AK5: variants seen among roughly 807,000 people sequenced by gnomAD.
AK5 encodes adenylate kinase isoenzyme 5.
A neutral mutation model predicts 69.5 loss-of-function variants in AK5; 27 were observed. That is an observed-to-expected ratio of 0.39 (90% CI 0.29 to 0.54). The LOEUF (loss-of-function observed/expected upper bound fraction) is 0.54. AK5 is among the 20% of genes least tolerant of loss of function. The pLI, the probability that AK5 is intolerant of heterozygous loss-of-function variation, is 0.71. For missense variants in AK5, 531 were observed against 700.4 expected (o/e 0.76, Z 2.73); for synonymous variants, 260 against 244.4 (o/e 1.06, Z -0.60).
intron 8 of AK5, among the ~76,000 whole-genome samples, chr1:77,482,587 A>T (rs1482107666): frequency 6.6e-6 from 1 of 152,108 alleles, no homozygotes; most frequent in African/African-American, 2.4e-5. Flanking sequence ...AGCCTGGCCA[A>T]CATGGTGAAA....
chr1:77,346,261 A>C (rs527944908), intron 6 of AK5: 1 of 152,278 alleles, frequency 6.6e-6, no homozygotes, highest in African/African-American at 2.4e-5. Context: ...ATCCCATCAG[A>C]CACTCCTAGC....
In AK5 at chr1:77,411,001, G is replaced by A. The variant is rs760145130; in HGVS notation, c.912G>A (p.Glu304=). ...LIMTFDADRD[E]DEVFYDISMA... ...CCCAGTTTGATGCCGACCGCGATGA[G>A]GATGAGGTGTTCTATGACATCAGCA... Residue 304 remains glutamate (E), a synonymous_variant, in exon 7 of 14, where the codon GAG becomes GAA. Transcript: ENST00000354567. 1.1e-5 allele frequency: 18 copies of A among 1,613,920 alleles called. No homozygotes were observed. The Middle Eastern group carries it at 8.3e-4, about 74-fold the overall frequency.
At chr1:77,434,030 A>G (rs1651804061) in intron 8 of AK5, among the ~76,000 whole-genome samples, 1 of 151,542 alleles carries the variant, frequency 6.6e-6, no homozygotes, top group Admixed American at 6.6e-5. Flanking sequence ...AACTCAAACC[A>G]GTAACCGTGG....
intron 6 of AK5, among the ~76,000 whole-genome samples, chr1:77,352,011 C>T (rs1165821925): frequency 6.7e-6 from 1 of 148,564 alleles, no homozygotes; most frequent in Non-Finnish European, 1.5e-5. Context: ...CTCACTGCAA[C>T]CTCTGCCTTC....
intron 5 of AK5, chr1:77,313,792 C>A (rs754683289): frequency 1.9e-6 from 1 of 531,476 alleles, no homozygotes; most frequent in Non-Finnish European, 3.9e-6. Flanking sequence ...ACTTCTTTTT[C>A]AGTACAGCCT....
intron 5 of AK5, chr1:77,313,921 C>G (rs1188873900): frequency 3.9e-6 from 2 of 517,380 alleles, no homozygotes; most frequent in Non-Finnish European, 7.9e-6. Context: ...AAGCAGAAGT[C>G]TTTGCCTCTG....
intron 12 of AK5, among the ~76,000 whole-genome samples, chr1:77,534,946 A>G (rs1336185526): frequency 3.3e-5 from 5 of 152,202 alleles, no homozygotes; most frequent in East Asian, 1.9e-4. Flanking sequence ...TCCTTATGCA[A>G]TTGCACTCAG....
intron 5 of AK5, among the ~76,000 whole-genome samples, chr1:77,337,923 A>G (rs1433122462): frequency 2.0e-5 from 3 of 152,084 alleles, no homozygotes; most frequent in East Asian, 1.9e-4. Context: ...CACAGTGGCA[A>G]TGAGAATTGA....
At chr1:77,455,745 G>A (rs866979410) in intron 8 of AK5, among the ~76,000 whole-genome samples, 3 of 152,086 alleles carry the variant, frequency 2.0e-5, no homozygotes, top group South Asian at 2.1e-4. Flanking sequence ...TAGAATCACC[G>A]GGTGAGCTGT....
intron 8 of AK5, among the ~76,000 whole-genome samples, chr1:77,470,315 G>A (rs1654383635): frequency 6.6e-6 from 1 of 152,070 alleles, no homozygotes; most frequent in Non-Finnish European, 1.5e-5. Flanking sequence ...GACCATCCTG[G>A]GCAACCTAGC....
intron 10 of AK5, among the ~76,000 whole-genome samples, chr1:77,489,063 C>T (rs1287861247): frequency 6.6e-6 from 1 of 152,180 alleles, no homozygotes; most frequent in African/African-American, 2.4e-5. Flanking sequence ...CATTGTTTAA[C>T]ACTCACAGTT....
intron 5 of AK5, chr1:77,314,373 T>A (rs2100302483): frequency 6.7e-6 from 1 of 150,290 alleles, no homozygotes; most frequent in Admixed American, 6.6e-5. Context: ...TAAAATCAAC[T>A]CATACTAAAT....
intron 8 of AK5, among the ~76,000 whole-genome samples, chr1:77,475,062 C>G (rs183240181): frequency 6.6e-6 from 1 of 151,564 alleles, no homozygotes. Flanking sequence ...CTCAGCCTCC[C>G]AAAGTGCTGA....
At chr1:77,463,078 A>G (rs1429032149) in intron 8 of AK5, among the ~76,000 whole-genome samples, 1 of 152,232 alleles carries the variant, frequency 6.6e-6, no homozygotes, top group African/African-American at 2.4e-5. Flanking sequence ...GTATGGATTA[A>G]TGAACCATTA....
At chr1:77,316,104 A>G (rs968767194) in intron 5 of AK5, among the ~76,000 whole-genome samples, 3 of 152,174 alleles carry the variant, frequency 2.0e-5, no homozygotes, top group Admixed American at 2.0e-4. Context: ...TGGAGTGGTC[A>G]TGATGGGAAG....
rs1205210613 is a variant in AK5 at position 77,559,965 on chromosome 1, G to C, written c.*1295G>C. 6.6e-6 allele frequency: 1 copy of C among 152,386 alleles called. No homozygotes were observed. Among genetic ancestry groups the C allele is most frequent in the Admixed American group, 6.6e-5 (1 of 15,248 alleles). The allele number at this position is 152,386 out of a possible 1,614,324, so 9.4% of individuals were successfully genotyped here. On this transcript the variant is annotated 3_prime_UTR_variant, in exon 14 of 14. Coordinates refer to ENST00000354567, the MANE Select transcript of AK5 (RefSeq NM_174858.3). ...TACAAATAAAATAAATGGAAGACAG[G>C]ATAACTCTTTTTCTATTTATTTGTA...
chr1:77,390,374 A>G (rs906082976), intron 6 of AK5, among the ~76,000 whole-genome samples: 1 of 152,236 alleles, frequency 6.6e-6, no homozygotes, highest in Non-Finnish European at 1.5e-5. Flanking sequence ...ATATTTCACT[A>G]TGTGAAAATT....
intron 12 of AK5, among the ~76,000 whole-genome samples, chr1:77,528,415 C>A (rs1432481788): frequency 6.6e-6 from 1 of 152,070 alleles, no homozygotes; most frequent in Non-Finnish European, 1.5e-5. Flanking sequence ...CCATCAGTTC[C>A]TTTAAAAATT....
intron 6 of AK5, among the ~76,000 whole-genome samples, chr1:77,391,826 C>T (rs1570490532): frequency 6.6e-6 from 1 of 152,116 alleles, no homozygotes; most frequent in East Asian, 1.9e-4. Flanking sequence ...CATTTAACTT[C>T]TTCGTTACAC....
Sources: gnomAD v4.1 joint callset for allele counts (sites outside exome capture counted in the v4.1 genomes callset) on GRCh38, gnomAD v4.1.1 for gene constraint, MANE v1.5 for transcripts, NCBI Gene and HGNC (gene_info 2026-07-23, HGNC 2026-07-21) for gene names.